CD302: variants seen among roughly 807,000 people sequenced by gnomAD.
CD302 encodes the protein CD302 antigen.
CD302 carries 23 observed loss-of-function variants against 26.5 expected under a neutral mutation model. The observed-to-expected ratio is 0.87, with a 90% confidence interval of 0.62 to 1.23. The LOEUF (loss-of-function observed/expected upper bound fraction) is 1.23. Ranked by LOEUF, CD302 falls within the 50% of genes most tolerant of loss-of-function variation. The pLI is 0.00. For synonymous variants in CD302, 90 were observed against 99.4 expected, an observed-to-expected ratio of 0.91 and a Z score of 0.56; for missense variants, 290 against 275.5, an observed-to-expected ratio of 1.05 and a Z score of -0.37.
chr2:159,777,600 C>T (rs73967911), intron 5 of CD302, among the ~76,000 whole-genome samples: 6,309 of 152,138 alleles, frequency 0.041, 418 homozygotes, highest in African/African-American at 0.14. Flanking sequence ...TAGTTTAAAA[C>T]TAGAAGTGAT....
At chr2:159,783,285 C>T in intron 2 of CD302, 74 bp downstream of exon 2, 2 of 1,264,346 alleles carry the variant, frequency 1.6e-6, no homozygotes, top group African/African-American at 1.5e-5. Flanking sequence ...GTGACAAAAT[C>T]AATTTTTAAA....
At chr2:159,793,732 A>T (rs904674884) in intron 1 of CD302, among the ~76,000 whole-genome samples, 1 of 152,054 alleles carries the variant, frequency 6.6e-6, no homozygotes, top group African/African-American at 2.4e-5. Flanking sequence ...GAGCTTCAAG[A>T]TCTCTCTGAA....
At chr2:159,775,446 AAAGT>A (rs1196546784) in intron 5 of CD302, among the ~76,000 whole-genome samples, 1 of 152,136 alleles carries the variant, frequency 6.6e-6, no homozygotes, top group Admixed American at 6.6e-5. Flanking sequence ...TATTTTTTCC[AAAGT>A]AATACATTTA....
At position 159,771,676 on chromosome 2, in the gene CD302, G is replaced by GT. The variant is rs889758774; in HGVS notation, c.*174dup. On this transcript the variant is annotated 3_prime_UTR_variant, in exon 6 of 6. Transcript: ENST00000259053. The stretch of plus-strand genomic sequence containing the variant: ...AGATCTAAGATCATTTCTAAAACCT[G>GT]TTTTTTTAATGAACCTAAAGACTTT... The GT allele has an allele frequency of 2.7e-5, 20 of 732,094 alleles. No homozygotes were observed. Among genetic ancestry groups the GT allele is most frequent in the Non-Finnish European group, 3.8e-5 (18 of 470,762 alleles). The allele number at this position is 732,094 out of a possible 1,614,324, so 45.3% of individuals were successfully genotyped here. A position where few individuals can be genotyped will look rare whatever the true frequency, so the allele number is the denominator to read the frequency against.
intron 1 of CD302, among the ~76,000 whole-genome samples, chr2:159,788,097 C>T (rs996077040): frequency 4.3e-5 from 6 of 140,182 alleles, no homozygotes; most frequent in Non-Finnish European, 9.3e-5. Context: ...CAGAGTGAGA[C>T]TCCGTCTCAA....
intron 5 of CD302, 125 bp from the exon 6 acceptor site, chr2:159,772,178 G>A: frequency 9.2e-6 from 10 of 1,085,440 alleles, no homozygotes; most frequent in Non-Finnish European, 1.3e-5. Flanking sequence ...CCACACTGAT[G>A]AGAAAACCAA....
Position 159,768,666 on chromosome 2 carries a change from T to C in CD302, c.*3185A>G, listed in dbSNP as rs1177364295. The C allele has an allele frequency of 6.6e-6, 1 of 152,628 alleles. No homozygotes were observed. The highest frequency in any genetic ancestry group is 2.4e-5 in the African/African-American group (1 of 41,466). 9.5% of individuals were successfully genotyped at this position (152,628 alleles called of 1,614,324 possible). A position where few individuals can be genotyped will look rare whatever the true frequency, so the allele number is the denominator to read the frequency against. On this transcript the variant is annotated 3_prime_UTR_variant, in exon 6 of 6. Transcript: ENST00000259053. Reference sequence around the variant, plus strand: ...ATTTTATTACAATTTCAAATCTCATTTTAAGCAATAATATAAATGTTCTAA... The same window carrying C: ...ATTTTATTACAATTTCAAATCTCATCTTAAGCAATAATATAAATGTTCTAA...
chr2:159,786,701 A>G (rs1441089895), intron 1 of CD302, among the ~76,000 whole-genome samples: 1 of 152,094 alleles, frequency 6.6e-6, no homozygotes, highest in Non-Finnish European at 1.5e-5. Flanking sequence ...TTCCTGATAC[A>G]CTTTTTAAAA....
At chr2:159,774,482 T>TTTTG (rs1708252158) in intron 5 of CD302, among the ~76,000 whole-genome samples, 1 of 152,176 alleles carries the variant, frequency 6.6e-6, no homozygotes, top group African/African-American at 2.4e-5. Context: ...ATATGAAACA[T>TTTTG]TTTGTTAGGC....
rs996534701 is a variant in CD302 at position 159,770,451 on chromosome 2, TAAAA to T, written c.*1396_*1399del. 3.0e-4 allele frequency: 46 copies of T among 152,164 alleles called. No individual in the cohort carries two copies. Among genetic ancestry groups the T allele is most frequent in the African/African-American group, 1.1e-3 (44 of 41,490 alleles). The allele number at this position is 152,164 out of a possible 1,614,324, so 9.4% of individuals were successfully genotyped here. On this transcript the variant is annotated 3_prime_UTR_variant, in exon 6 of 6. Coordinates refer to ENST00000259053, the MANE Select transcript of CD302 (RefSeq NM_014880.5). ...GAGTGTTTTCGATTCATGTGGTCAA[TAAAA>T]AGAGACTACACAAGCTGGAACTTTG...
chr2:159,785,271 C>G (rs1354655278), intron 1 of CD302, among the ~76,000 whole-genome samples: 2 of 151,970 alleles, frequency 1.3e-5, no homozygotes, highest in African/African-American at 2.4e-5. Flanking sequence ...CACTGTGCCC[C>G]ACCTATAATT....
chr2:159,792,254 T>C (rs1708825637), intron 1 of CD302, among the ~76,000 whole-genome samples: 2 of 152,172 alleles, frequency 1.3e-5, no homozygotes, highest in Non-Finnish European at 2.9e-5. Flanking sequence ...TGAGGGTCCT[T>C]ATGACATGGC....
rs1682532403 is a variant in CD302, at chr2:159,798,175, C to CGCGG, written c.20_23dup (p.Leu9ArgfsTer51). On this transcript the variant is annotated frameshift_variant, in exon 1 of 6. Transcript: ENST00000259053. LOFTEE classifies it high-confidence loss of function. ...CGAGGCCCAGCAACGGCAGCAGGAG[C>CGCGG]GCGGGCAGCGCGGCCCGGAGCATGA... is the stretch of plus-strand genomic sequence containing the variant. 2.7e-6 allele frequency: 4 copies of CGCGG among 1,478,072 alleles called. No homozygotes were observed. The highest frequency in any genetic ancestry group is 3.6e-6 in the Non-Finnish European group (4 of 1,120,634). The allele number at this position is 1,478,072 out of a possible 1,614,324, so 91.6% of individuals were successfully genotyped here.
intron 1 of CD302, among the ~76,000 whole-genome samples, chr2:159,792,709 G>A (rs6740910): frequency 0.28 from 42,607 of 151,808 alleles, 6,765 homozygotes; most frequent in South Asian, 0.44. Context: ...ATTCTAAGTC[G>A]AGGAGCATCT....
At position 159,776,377 on chromosome 2, in the gene CD302, G is replaced by A. The variant is rs558010204; in HGVS notation, c.496+1561C>T. ...ACAAATATCAAACAGATGGGTGTAC[G>A]GATATTAAAGAGTCCTTGCTTTCAG... On this transcript the variant is annotated intron_variant, in intron 5 of 5. Coordinates refer to ENST00000259053, the MANE Select transcript of CD302 (RefSeq NM_014880.5). Among the ~76,000 whole-genome samples the A allele has an allele frequency of 1.3e-4, 20 of 152,170 alleles. No homozygotes were observed. The South Asian group carries it at 3.5e-3, about 27-fold the overall frequency.
At chr2:159,778,375 CTTTG>C (rs1459606092) in intron 4 of CD302, among the ~76,000 whole-genome samples, 3 of 152,204 alleles carry the variant, frequency 2.0e-5, no homozygotes, top group East Asian at 1.9e-4. Context: ...TAATTAAAAA[CTTTG>C]TTTATGTAAT....
chr2:159,779,646 TGA>T lies in CD302; in HGVS notation c.469+357_469+358del, dbSNP rs201237146. 1.7e-4 allele frequency among the ~76,000 whole-genome samples: 26 copies of T among 152,096 alleles called. No individual in the cohort carries two copies. The East Asian group carries it at 4.6e-3, about 27-fold the overall frequency. On this transcript the variant is annotated intron_variant, in intron 4 of 5. Coordinates refer to ENST00000259053, the MANE Select transcript of CD302 (RefSeq NM_014880.5). ...TTCCCTCTATTTTTTTTTTTCTTTT[TGA>T]GACAGAGTGTTGCTCTGTTGCCCAG...
At chr2:159,792,258 A>T in intron 1 of CD302, among the ~76,000 whole-genome samples, 1 of 152,196 alleles carries the variant, frequency 6.6e-6, no homozygotes, top group African/African-American at 2.4e-5. Context: ...GGTCCTTATG[A>T]CATGGCAGGT....
rs1023103919 is a variant in CD302 at position 159,780,266 on chromosome 2, C to G, written c.296-88G>C. ...GTGTAGGATTAAAGGTGGAAAGTTA[C>G]TAAGGTATGTCTGGTCTAAACTTCT... On this transcript the variant is annotated intron_variant, in intron 3 of 5. Coordinates refer to ENST00000259053, the MANE Select transcript of CD302 (RefSeq NM_014880.5). The G allele has an allele frequency of 1.1e-5, 15 of 1,423,902 alleles. No individual in the cohort carries two copies. In the African/African-American group the frequency reaches 2.1e-4, roughly 20 times the overall value. 88.2% of individuals were successfully genotyped at this position (1,423,902 alleles called of 1,614,324 possible).
Sources: gnomAD v4.1 joint callset for allele counts (sites outside exome capture counted in the v4.1 genomes callset) on GRCh38, gnomAD v4.1.1 for gene constraint, MANE v1.5 for transcripts, NCBI Gene and HGNC (gene_info 2026-07-23, HGNC 2026-07-21) for gene names.